Variants in FAM149B1 observed in about 807,000 individuals in gnomAD.
The protein encoded by FAM149B1 is family with sequence similarity 149 member B1.
In FAM149B1, 56 loss-of-function variants were observed where a neutral mutation model predicts 75.3. That is an observed-to-expected ratio of 0.74 (90% CI 0.60 to 0.93). The LOEUF is 0.93. FAM149B1 is among the 40% of genes least tolerant of loss of function. FAM149B1 has a pLI of 0.00. For missense variants in FAM149B1, 639 were observed against 708.4 expected (o/e 0.90, Z 1.11); for synonymous variants, 259 against 256.1 (o/e 1.01, Z -0.11).
intron 13 of FAM149B1, among the ~76,000 whole-genome samples, chr10:73,240,225 G>A (rs1230053582): frequency 1.3e-5 from 2 of 152,222 alleles, no homozygotes; most frequent in Non-Finnish European, 2.9e-5. Context: ...GTAATGGACA[G>A]CTGAGATGTT....
Position 73,241,119 on chromosome 10 carries a change from G to T in FAM149B1, c.*100G>T. ...CAGAGCTTGTATAGAAGATCGACTA[G>T]AAATCATCTTCATGAAGAGTGATTT... On this transcript the variant is annotated 3_prime_UTR_variant, in exon 14 of 14. Transcript: ENST00000242505. 2 of 753,602 alleles carry T rather than the reference G, an allele frequency of 2.7e-6. No homozygotes were observed. Among genetic ancestry groups the T allele is most frequent in the Non-Finnish European group, 2.3e-6 (1 of 433,650 alleles). 46.7% of individuals were successfully genotyped at this position (753,602 alleles called of 1,614,324 possible).
chr10:73,187,684 G>A (rs1378604374), intron 3 of FAM149B1, among the ~76,000 whole-genome samples: 3 of 151,806 alleles, frequency 2.0e-5, no homozygotes, highest in African/African-American at 4.8e-5. Context: ...AGCCGAGATC[G>A]CACCATTGCA....
At chr10:73,224,533 G>A (rs1310295819) in intron 7 of FAM149B1, among the ~76,000 whole-genome samples, 3 of 147,804 alleles carry the variant, frequency 2.0e-5, no homozygotes, top group African/African-American at 7.6e-5. Context: ...GTGCAGTGGT[G>A]TGATCTCGGC....
At position 73,243,998 on chromosome 10, in the gene FAM149B1, AG is replaced by A; in HGVS notation, c.*2980del. On this transcript the variant is annotated 3_prime_UTR_variant, in exon 14 of 14. Transcript: ENST00000242505. ...CTTAAAATACATACTCTTTCCCAAA[AG>A]CAAATCTATAATTCTGTTTCAATTT... 2.4e-6 allele frequency: 3 copies of A among 1,271,082 alleles called. No homozygotes were observed. The South Asian group carries it at 3.8e-5, about 16-fold the overall frequency. 78.7% of individuals were successfully genotyped at this position (1,271,082 alleles called of 1,614,324 possible). A position where few individuals can be genotyped will look rare whatever the true frequency, so the allele number is the denominator to read the frequency against.
At chr10:73,236,251 TCA>T (rs1238257801) in intron 12 of FAM149B1, among the ~76,000 whole-genome samples, 3 of 152,262 alleles carry the variant, frequency 2.0e-5, no homozygotes, top group African/African-American at 7.2e-5. Flanking sequence ...AATTTTTTCC[TCA>T]CAGTTCCAGA....
intron 7 of FAM149B1, among the ~76,000 whole-genome samples, chr10:73,214,855 T>C (rs1312950756): frequency 6.6e-6 from 1 of 152,078 alleles, no homozygotes; most frequent in Non-Finnish European, 1.5e-5. Flanking sequence ...TTTTTTGGAG[T>C]AGTTTCAGGA....
intron 3 of FAM149B1, 179 bp from the exon 4 acceptor site, chr10:73,192,377 C>A: frequency 1.7e-6 from 1 of 603,406 alleles, no homozygotes; most frequent in East Asian, 3.1e-5. Context: ...GGAGAAGATA[C>A]CTGAAAATTC....
At chr10:73,212,777 C>T (rs1445468586) in intron 7 of FAM149B1, among the ~76,000 whole-genome samples, 2 of 151,958 alleles carry the variant, frequency 1.3e-5, no homozygotes, top group African/African-American at 4.8e-5. Flanking sequence ...AGTCGTTTTT[C>T]ATGTTTGTTG....
At position 73,168,183 on chromosome 10, in the gene FAM149B1, G is replaced by A; in HGVS notation, c.-157G>A. ...GGAGAGGTGGGGACCCTGGGGAGGT[G>A]GCTGCTCGGAGTCTAGGTGACGGGG... On this transcript the variant is annotated 5_prime_UTR_variant, in exon 1 of 14. Transcript: ENST00000242505. The A allele has an allele frequency of 2.8e-6, 2 of 726,146 alleles. No homozygotes were observed. Among genetic ancestry groups the A allele is most frequent in the South Asian group, 3.9e-5 (2 of 51,398 alleles). 45.0% of individuals were successfully genotyped at this position (726,146 alleles called of 1,614,324 possible). A position where few individuals can be genotyped will look rare whatever the true frequency, so the allele number is the denominator to read the frequency against.
At chr10:73,225,599 C>G (rs2043523003) in intron 7 of FAM149B1, among the ~76,000 whole-genome samples, 1 of 151,994 alleles carries the variant, frequency 6.6e-6, no homozygotes, top group Non-Finnish European at 1.5e-5. Flanking sequence ...AAAAGTATAA[C>G]TAAGGGTAAT....
intron 5 of FAM149B1, chr10:73,200,429 A>G (rs1396408817): frequency 3.3e-6 from 2 of 610,384 alleles, no homozygotes; most frequent in South Asian, 2.9e-5. Flanking sequence ...TGGTGGAACA[A>G]ATGTTCAAAA....
In FAM149B1 at chr10:73,210,505, T is replaced by G. The variant is rs2133368438; in HGVS notation, c.898+67T>G. 4 of 1,127,986 alleles carry G rather than the reference T, an allele frequency of 3.5e-6. No homozygotes were observed. The East Asian group carries it at 1.1e-4, about 30-fold the overall frequency. The allele number at this position is 1,127,986 out of a possible 1,614,324, so 69.9% of individuals were successfully genotyped here. On this transcript the variant is annotated intron_variant, in intron 7 of 13. Transcript: ENST00000242505. The stretch of plus-strand genomic sequence containing the variant: ...TGATTTCTAAACCCTAACCAGTCTA[T>G]TAGATGATATGCTTCTTAGTGCAAA...
At chr10:73,208,940 T>A (rs1252341101) in intron 6 of FAM149B1, among the ~76,000 whole-genome samples, 154 bp downstream of exon 6, 1 of 152,234 alleles carries the variant, frequency 6.6e-6, no homozygotes, top group Non-Finnish European at 1.5e-5. Flanking sequence ...GAATTTATGT[T>A]CTTATTGCCT....
chr10:73,198,904 G>A (rs372467675), intron 5 of FAM149B1, among the ~76,000 whole-genome samples: 7 of 152,200 alleles, frequency 4.6e-5, no homozygotes, highest in African/African-American at 1.2e-4. Context: ...CTGAAAAGAT[G>A]TTAGGCAGGA....
intron 6 of FAM149B1, among the ~76,000 whole-genome samples, chr10:73,209,158 G>T (rs1253899422): frequency 1.3e-5 from 2 of 152,156 alleles, no homozygotes; most frequent in African/African-American, 4.8e-5. Flanking sequence ...TTTGAAAAAT[G>T]TATATACAGG....
chr10:73,222,706 T>A (rs2043446372), intron 7 of FAM149B1, among the ~76,000 whole-genome samples: 1 of 152,158 alleles, frequency 6.6e-6, no homozygotes, highest in African/African-American at 2.4e-5. Flanking sequence ...ATCTCAGGGT[T>A]TACTGACTTT....
At chr10:73,225,126 C>A (rs11000552) in intron 7 of FAM149B1, among the ~76,000 whole-genome samples, 1 of 152,102 alleles carries the variant, frequency 6.6e-6, no homozygotes, top group African/African-American at 2.4e-5. Context: ...CAATTATGTA[C>A]AGTACATATA....
At chr10:73,234,767 G>A in intron 10 of FAM149B1, 50 bp from the exon 11 acceptor site, 2 of 1,542,716 alleles carry the variant, frequency 1.3e-6, no homozygotes, top group African/African-American at 1.4e-5. Context: ...TGCTGGTATT[G>A]TTATAACTTC....
chr10:73,209,266 T>C (rs2043133955), intron 6 of FAM149B1, among the ~76,000 whole-genome samples: 1 of 152,144 alleles, frequency 6.6e-6, no homozygotes, highest in Non-Finnish European at 1.5e-5. Context: ...CTGGCCAACA[T>C]GGTGAAACCC....
Sources: allele counts gnomAD v4.1 joint callset (sites outside exome capture counted in the v4.1 genomes callset), GRCh38; gene constraint gnomAD v4.1.1; transcripts MANE v1.5; gene names NCBI Gene and HGNC (gene_info 2026-07-23, HGNC 2026-07-21).